The following CSRP1 variants were observed in gnomAD, a reference collection of about 807,000 sequenced individuals.
CSRP1 encodes the protein cysteine and glycine rich protein 1, also known as cysteine and glycine-rich protein 1.
A neutral mutation model predicts 25.4 loss-of-function variants in CSRP1; 16 were observed. That is an observed-to-expected ratio of 0.63 (90% CI 0.43 to 0.96). CSRP1 has a LOEUF of 0.96. CSRP1 is among the 40% of genes least tolerant of loss of function. CSRP1 has a pLI of 0.00. For missense variants in CSRP1, 212 were observed against 243.6 expected (o/e 0.87, Z 0.86); for synonymous variants, 97 against 95.3 (o/e 1.02, Z -0.10).
intron 3 of CSRP1, chr1:201,489,394 C>G (rs11585456): frequency 0.46 from 78,448 of 169,840 alleles, 22,310 homozygotes; most frequent in Non-Finnish European, 0.65. Context: ...CGTCCACCCC[C>G]CAGGCCGAGG....
At chr1:201,486,984 C>T in intron 4 of CSRP1, 1 of 1,300,540 alleles carries the variant, frequency 7.7e-7, no homozygotes, top group Non-Finnish European at 1.0e-6. Context: ...TAGTCAATGG[C>T]AAGGATCTTC....
At chr1:201,504,186 T>A (rs1481181658) in intron 1 of CSRP1, among the ~76,000 whole-genome samples, 2 of 152,226 alleles carry the variant, frequency 1.3e-5, no homozygotes, top group African/African-American at 4.8e-5. Flanking sequence ...AGTCAGCTTA[T>A]GTTTGAATGG....
chr1:201,487,162 A>C, intron 4 of CSRP1: 1 of 398,872 alleles, frequency 2.5e-6, no homozygotes, highest in South Asian at 2.5e-5. Context: ...CTGTAATCCC[A>C]GCACTTTTGG....
rs138821349 is a variant in CSRP1 at position 201,484,298 on chromosome 1, C to A, written c.*415G>T. The A allele has an allele frequency of 4.9e-5, 25 of 512,976 alleles. No individual in the cohort carries two copies. The highest frequency in any genetic ancestry group is 8.0e-5 in the Non-Finnish European group (23 of 286,474). The allele number at this position is 512,976 out of a possible 1,614,324, so 31.8% of individuals were successfully genotyped here. ...GATCCAAAAAACCCAGCCTTCCCCC[C>A]TCCTCATCTTGGTCTTGCTTCCCTC... On this transcript the variant is annotated 3_prime_UTR_variant, in exon 6 of 6. Transcript: ENST00000340006.
chr1:201,494,269 C>A (rs1163825912), intron 2 of CSRP1, among the ~76,000 whole-genome samples: 2 of 152,158 alleles, frequency 1.3e-5, no homozygotes, highest in East Asian at 3.9e-4. Context: ...GCAGGCACCC[C>A]CGCCCACAGC....
chr1:201,493,250 A>C (rs58426569), intron 2 of CSRP1, among the ~76,000 whole-genome samples: 3,528 of 152,024 alleles, frequency 0.023, 138 homozygotes, highest in African/African-American at 0.081. Flanking sequence ...CATTCTCCCC[A>C]CCTTTGCCTA....
intron 2 of CSRP1, among the ~76,000 whole-genome samples, chr1:201,493,641 T>A (rs373935268): frequency 6.6e-6 from 1 of 152,126 alleles, no homozygotes; most frequent in African/African-American, 2.4e-5. Flanking sequence ...AATACAGGCA[T>A]GTAGGTGGGC....
intron 1 of CSRP1, among the ~76,000 whole-genome samples, chr1:201,502,736 T>C (rs1664706412): frequency 6.6e-6 from 1 of 152,206 alleles, no homozygotes; most frequent in African/African-American, 2.4e-5. Flanking sequence ...TTCAAATCCA[T>C]GTCCAGTGGC....
At chr1:201,503,092 C>T (rs1655603514) in intron 1 of CSRP1, among the ~76,000 whole-genome samples, 2 of 152,120 alleles carry the variant, frequency 1.3e-5, no homozygotes, top group Admixed American at 1.3e-4. Context: ...TTGCAGTGAG[C>T]CAAGATCGTG....
intron 2 of CSRP1, among the ~76,000 whole-genome samples, chr1:201,493,067 G>C (rs1664391669): frequency 6.6e-6 from 1 of 152,206 alleles, no homozygotes; most frequent in Non-Finnish European, 1.5e-5. Flanking sequence ...GCTGGGTACA[G>C]CTCAGAGATG....
At chr1:201,486,897 T>A in intron 4 of CSRP1, 2 of 1,245,182 alleles carry the variant, frequency 1.6e-6, no homozygotes, top group Non-Finnish European at 2.1e-6. Context: ...TTCTTAATAA[T>A]TTTCTATTCT....
chr1:201,498,915 G>C (rs568412265), intron 1 of CSRP1, among the ~76,000 whole-genome samples: 62 of 152,312 alleles, frequency 4.1e-4, no homozygotes, highest in African/African-American at 1.5e-3. Flanking sequence ...GACCATGCCT[G>C]CTGCATAAGC....
chr1:201,492,147 C>G (rs1056478877), intron 2 of CSRP1: 2 of 152,166 alleles, frequency 1.3e-5, no homozygotes, highest in Non-Finnish European at 2.9e-5. Flanking sequence ...CTGTAAGATC[C>G]CAATTGAACT....
At chr1:201,493,418 G>A (rs756728320) in intron 2 of CSRP1, among the ~76,000 whole-genome samples, 4 of 152,198 alleles carry the variant, frequency 2.6e-5, no homozygotes, top group Non-Finnish European at 4.4e-5. Context: ...TAGTGAAAAA[G>A]TCTTACAAGA....
intron 4 of CSRP1, chr1:201,486,539 A>C (rs1278377660): frequency 1.0e-5 from 10 of 986,296 alleles, no homozygotes; most frequent in Non-Finnish European, 1.2e-5. Flanking sequence ...GGTCTAGGTC[A>C]GTGCTGGTGC....
At chr1:201,501,308 C>T (rs763714026) in intron 1 of CSRP1, among the ~76,000 whole-genome samples, 2 of 152,186 alleles carry the variant, frequency 1.3e-5, no homozygotes, top group African/African-American at 4.8e-5. Flanking sequence ...CCAAATAGGG[C>T]CAGGAACTCC....
rs80241868 is a variant in CSRP1, at chr1:201,494,132, T to G, written c.112+2060A>C. ...GCTCCCCAGCCTGACTTTCTACAAC[T>G]GTTTCTCATCCGCAGCGCCCCTCAC... On this transcript the variant is annotated intron_variant, in intron 2 of 5. Coordinates refer to ENST00000340006, the MANE Select transcript of CSRP1 (RefSeq NM_004078.3). Among the ~76,000 whole-genome samples, 10 of 151,828 alleles carry G rather than the reference T, an allele frequency of 6.6e-5. 1 individual carries two copies. The highest frequency in any genetic ancestry group is 2.4e-4 in the African/African-American group (10 of 41,344).
chr1:201,490,948 T>A (rs3767538), intron 2 of CSRP1: 68,867 of 152,176 alleles, frequency 0.45, 19,357 homozygotes, highest in Non-Finnish European at 0.65. Context: ...GGATTTGAAG[T>A]TTCTAATCTC....
chr1:201,488,998 G>A lies in CSRP1; in HGVS notation c.282-14C>T. 1 of 1,613,342 alleles carries A rather than the reference G, an allele frequency of 6.2e-7. No individual in the cohort carries two copies. Among genetic ancestry groups the A allele is most frequent in the East Asian group, 2.2e-5 (1 of 44,862 alleles). On this transcript the variant is annotated splice_polypyrimidine_tract_variant and intron_variant, in intron 3 of 5. Coordinates refer to ENST00000340006, the MANE Select transcript of CSRP1 (RefSeq NM_004078.3). ...TGGCCAGGGGCTCTGCATGGAGAAG[G>A]GCATGGGGTGAGGTGACTTACACTG...
Sources: allele counts gnomAD v4.1 joint callset (sites outside exome capture counted in the v4.1 genomes callset), GRCh38; gene constraint gnomAD v4.1.1; transcripts MANE v1.5; gene names NCBI Gene and HGNC (gene_info 2026-07-23, HGNC 2026-07-21).